Variants in ADD3 observed in about 807,000 individuals in gnomAD.
ADD3 encodes gamma-adducin.
A neutral mutation model predicts 80.2 loss-of-function variants in ADD3; 25 were observed. The observed-to-expected ratio is 0.31, with a 90% CI of 0.23 to 0.44. The LOEUF (loss-of-function observed/expected upper bound fraction) is 0.44. Ranked by LOEUF, ADD3 falls within the 20% of genes least tolerant of loss-of-function variation. ADD3 has a pLI of 1.00. For synonymous variants in ADD3, 284 were observed against 289.6 expected (o/e 0.98, Z 0.20); for missense variants, 829 against 847.5 (o/e 0.98, Z 0.27).
intron 4 of ADD3, among the ~76,000 whole-genome samples, 170 bp from the exon 5 acceptor site, chr10:110,117,172 C>G (rs908828508): frequency 6.6e-6 from 1 of 151,824 alleles, no homozygotes; most frequent in Non-Finnish European, 1.5e-5. Context: ...TTAGCAAGTA[C>G]TTGAGGGAAA....
intron 1 of ADD3, among the ~76,000 whole-genome samples, chr10:109,999,919 G>GTTTT (rs1211606435): frequency 3.5e-5 from 4 of 115,748 alleles, no homozygotes; most frequent in African/African-American, 6.2e-5. Context: ...TCTTAAGGTT[G>GTTTT]TTTTTTTTTT....
At chr10:110,131,806 A>C (rs1478603872) in intron 13 of ADD3, among the ~76,000 whole-genome samples, 2 of 152,202 alleles carry the variant, frequency 1.3e-5, no homozygotes, top group Non-Finnish European at 2.9e-5. Flanking sequence ...GCACTCTAGA[A>C]CCGTCACCTT....
intron 1 of ADD3, chr10:110,016,459 G>C (rs528980056): frequency 2.6e-5 from 4 of 152,210 alleles, no homozygotes; most frequent in Admixed American, 6.5e-5. Flanking sequence ...AAAAACAGCC[G>C]AGTAGTGGTG....
chr10:110,099,902 A>G (rs1848606403), intron 1 of ADD3, among the ~76,000 whole-genome samples: 2 of 152,162 alleles, frequency 1.3e-5, no homozygotes, highest in South Asian at 4.1e-4. Flanking sequence ...TTTTTCCCTA[A>G]TGTAATTCAT....
intron 1 of ADD3, among the ~76,000 whole-genome samples, chr10:110,060,831 A>G (rs549916353): frequency 1.3e-5 from 2 of 152,174 alleles, no homozygotes; most frequent in Non-Finnish European, 2.9e-5. Context: ...ACCGTGTTCT[A>G]TAGGAGGTGG....
intron 1 of ADD3, among the ~76,000 whole-genome samples, chr10:110,093,723 T>G (rs1422924491): frequency 2.6e-5 from 4 of 152,212 alleles, no homozygotes; most frequent in African/African-American, 4.8e-5. Context: ...TCATTGAGCT[T>G]CTTCATCTGC....
chr10:110,112,667 A>G, intron 2 of ADD3, 110 bp from the exon 3 acceptor site: 6 of 1,247,630 alleles, frequency 4.8e-6, no homozygotes, highest in Non-Finnish European at 6.7e-6. Flanking sequence ...TAAATAGTAC[A>G]GGTAAAAGCT....
chr10:110,003,278 A>T (rs1333574104), upstream of ADD3, among the ~76,000 whole-genome samples: 1 of 142,852 alleles, frequency 7.0e-6, no homozygotes, highest in Non-Finnish European at 1.5e-5. Flanking sequence ...AAAGCTGAGA[A>T]GTTGTTAAAT....
rs141488500 is a variant in ADD3 at position 110,025,038 on chromosome 10, C to T, written c.-30+16739C>T. Reference sequence around the variant, plus strand: ...CCTCCTGAATAGCTGGAGTTACAGGCGTGCGCCACCATGCCTGGCTAATTT... The same window carrying T: ...CCTCCTGAATAGCTGGAGTTACAGGTGTGCGCCACCATGCCTGGCTAATTT... On this transcript the variant is annotated intron_variant, in intron 1 of 14. Coordinates refer to ENST00000356080, the MANE Select transcript of ADD3 (RefSeq NM_016824.5). Among the ~76,000 whole-genome samples the T allele has an allele frequency of 7.3e-3, 1,105 of 151,636 alleles. 7 individuals are homozygous for T. The highest frequency in any genetic ancestry group is 0.017 in the Middle Eastern group (5 of 294).
intron 1 of ADD3, among the ~76,000 whole-genome samples, chr10:110,053,136 A>G (rs1205720870): frequency 3.9e-5 from 6 of 152,166 alleles, no homozygotes; most frequent in East Asian, 1.9e-4. Context: ...CTGAGAGCAT[A>G]AGATCATAGC....
chr10:110,074,243 A>G (rs889523043), intron 1 of ADD3, among the ~76,000 whole-genome samples: 15 of 152,196 alleles, frequency 9.9e-5, no homozygotes, highest in African/African-American at 3.1e-4. Flanking sequence ...TAACAAATCA[A>G]ACTTTGTGAC....
intron 1 of ADD3, among the ~76,000 whole-genome samples, chr10:110,091,279 C>T (rs1460391426): frequency 6.6e-6 from 1 of 152,072 alleles, no homozygotes; most frequent in East Asian, 1.9e-4. Context: ...TATTTTTTGG[C>T]TAACTCCACC....
chr10:110,024,979 G>C (rs1004239016), intron 1 of ADD3, among the ~76,000 whole-genome samples: 1 of 151,270 alleles, frequency 6.6e-6, no homozygotes, highest in Non-Finnish European at 1.5e-5. Flanking sequence ...CCAGGCAGGA[G>C]TGCATTGGGT....
intron 1 of ADD3, among the ~76,000 whole-genome samples, chr10:110,041,153 C>T (rs1199140844): frequency 1.3e-5 from 2 of 152,106 alleles, no homozygotes; most frequent in Non-Finnish European, 2.9e-5. Flanking sequence ...AACAGCAGAC[C>T]ACAGCAGGAG....
intron 1 of ADD3, among the ~76,000 whole-genome samples, chr10:110,062,750 A>G (rs1365443649): frequency 6.6e-6 from 1 of 152,246 alleles, no homozygotes; most frequent in Non-Finnish European, 1.5e-5. Flanking sequence ...CGTATCAGAA[A>G]GTAGCATTCT....
chr10:110,083,471 G>A (rs996341126), intron 1 of ADD3, among the ~76,000 whole-genome samples: 6 of 151,850 alleles, frequency 4.0e-5, no homozygotes, highest in African/African-American at 1.2e-4. Context: ...AGCCGAGATC[G>A]CGCCACTGCA....
In ADD3 at chr10:110,122,119, C is replaced by T; in HGVS notation, c.970C>T (p.Leu324=). ...QLACEIQVQA[L]AGAGGVDNLH... ...TTACCATTGATTACAGGTGCAGGCCCTAGCAGGTGCAGGTGGAGTAGACAA... is the reference window on the plus strand; with the variant it reads ...TTACCATTGATTACAGGTGCAGGCCTTAGCAGGTGCAGGTGGAGTAGACAA... The change falls in exon 9 of 15, where the codon CTA becomes TTA. Residue 324 remains leucine (L), a synonymous_variant. Coordinates refer to ENST00000356080, the MANE Select transcript of ADD3 (RefSeq NM_016824.5). The T allele has an allele frequency of 3.1e-6, 5 of 1,612,992 alleles. No homozygotes were observed. The highest frequency in any genetic ancestry group is 4.2e-6 in the Non-Finnish European group (5 of 1,179,356).
rs1190097690 is a variant in ADD3, at chr10:110,008,107, GC to G, written c.-220del. 1 of 152,328 alleles carries G rather than the reference GC, an allele frequency of 6.6e-6. No individual in the cohort carries two copies. Among genetic ancestry groups the G allele is most frequent in the African/African-American group, 2.4e-5 (1 of 41,458 alleles). The allele number at this position is 152,328 out of a possible 1,614,324, so 9.4% of individuals were successfully genotyped here. A position where few individuals can be genotyped will look rare whatever the true frequency, so the allele number is the denominator to read the frequency against. Reference sequence around the variant, plus strand: ...CAGAGGCGTCGGCATCCCAGGTGTCGCCGCTTCCTGCTGCACAGGGCTCGGC... The same window carrying G: ...CAGAGGCGTCGGCATCCCAGGTGTCGCGCTTCCTGCTGCACAGGGCTCGGC... On this transcript the variant is annotated 5_prime_UTR_variant, in exon 1 of 15. Coordinates refer to ENST00000356080, the MANE Select transcript of ADD3 (RefSeq NM_016824.5).
intron 1 of ADD3, among the ~76,000 whole-genome samples, chr10:110,067,379 T>G (rs1368219986): frequency 1.3e-5 from 2 of 152,228 alleles, no homozygotes; most frequent in East Asian, 3.8e-4. Flanking sequence ...TTATAAACTT[T>G]AAAGCAACTT....
Sources: gnomAD v4.1 joint callset for allele counts (sites outside exome capture counted in the v4.1 genomes callset) on GRCh38, gnomAD v4.1.1 for gene constraint, MANE v1.5 for transcripts, NCBI Gene and HGNC (gene_info 2026-07-23, HGNC 2026-07-21) for gene names.